The following CSMD1 variants were observed in gnomAD, a reference collection of about 807,000 sequenced individuals.
CSMD1 encodes CUB and sushi domain-containing protein 1.
A neutral mutation model predicts 417.5 loss-of-function variants in CSMD1; 213 were observed. The ratio of observed to expected loss-of-function variants is 0.51; its 90% CI spans 0.46 to 0.57. The LOEUF (loss-of-function observed/expected upper bound fraction) is 0.57. Ranked by LOEUF, CSMD1 falls within the 20% of genes least tolerant of loss-of-function variation. The probability of loss-of-function intolerance (pLI) is 0.00; values close to 1 mark genes in which losing one functional copy is unlikely to be tolerated. For missense variants in CSMD1, 6,923 were observed against 4,529.7 expected, an observed-to-expected ratio of 1.53 and a Z score of -15.17; for synonymous variants, 2,862 against 1,736.8, an observed-to-expected ratio of 1.65 and a Z score of -16.11.
chr8:4,221,132 T>C (rs1034686232), intron 3 of CSMD1, among the ~76,000 whole-genome samples: 1 of 152,040 alleles, frequency 6.6e-6, no homozygotes, highest in Non-Finnish European at 1.5e-5. Flanking sequence ...AGAATAGAAA[T>C]GTAAAGAGCG....
At chr8:3,392,878 C>T (rs1280367495) in intron 17 of CSMD1, among the ~76,000 whole-genome samples, 1 of 152,124 alleles carries the variant, frequency 6.6e-6, no homozygotes, top group African/African-American at 2.4e-5. Context: ...GCAACCAGAA[C>T]ATCTGAGCTG....
intron 3 of CSMD1, among the ~76,000 whole-genome samples, chr8:4,194,788 A>G (rs905607097): frequency 2.0e-5 from 3 of 152,096 alleles, no homozygotes; most frequent in Non-Finnish European, 4.4e-5. Context: ...CACAACCTTC[A>G]TGAGACTCTT....
At chr8:3,002,602 T>C (rs1254289582) in intron 52 of CSMD1, among the ~76,000 whole-genome samples, 1 of 152,236 alleles carries the variant, frequency 6.6e-6, no homozygotes, top group Non-Finnish European at 1.5e-5. Context: ...CCTCTCATTT[T>C]AGGGAATCTG....
At chr8:3,108,170 G>T (rs1816267120) in intron 44 of CSMD1, among the ~76,000 whole-genome samples, 1 of 152,154 alleles carries the variant, frequency 6.6e-6, no homozygotes, top group Admixed American at 6.5e-5. Context: ...TTCTGTAGGT[G>T]GCAGTGTTCG....
intron 7 of CSMD1, among the ~76,000 whole-genome samples, chr8:3,643,262 C>G (rs1797395880): frequency 1.3e-5 from 2 of 151,720 alleles, no homozygotes; most frequent in African/African-American, 2.4e-5. Flanking sequence ...AGAGAAGATT[C>G]CAAAAGTAGC....
chr8:3,659,958 A>G (rs1798326701), intron 7 of CSMD1, among the ~76,000 whole-genome samples: 1 of 152,260 alleles, frequency 6.6e-6, no homozygotes, highest in Non-Finnish European at 1.5e-5. Context: ...CAATAATTTC[A>G]AACTTTTAAG....
intron 2 of CSMD1, among the ~76,000 whole-genome samples, chr8:4,490,655 C>T (rs1801653247): frequency 6.6e-6 from 1 of 152,098 alleles, no homozygotes; most frequent in African/African-American, 2.4e-5. Context: ...GACCCATGCT[C>T]AGAATGGTCT....
chr8:3,364,234 T>G (rs1414109633), intron 20 of CSMD1, among the ~76,000 whole-genome samples: 19 of 152,172 alleles, frequency 1.2e-4, no homozygotes, highest in Admixed American at 1.2e-3. Flanking sequence ...TCCTACCAAA[T>G]GAAATTACTC....
chr8:4,354,029 C>T (rs536956865), intron 3 of CSMD1, among the ~76,000 whole-genome samples: 136 of 152,272 alleles, frequency 8.9e-4, no homozygotes, highest in African/African-American at 3.2e-3. Flanking sequence ...AGGCTTTTTC[C>T]TCTCCATACC....
intron 1 of CSMD1, among the ~76,000 whole-genome samples, chr8:4,723,330 G>A (rs1809187408): frequency 6.6e-6 from 1 of 152,154 alleles, no homozygotes; most frequent in Non-Finnish European, 1.5e-5. Context: ...ATACCCGGGA[G>A]TTAGAAGAAA....
At chr8:3,690,906 C>G (rs10087046) in intron 7 of CSMD1, among the ~76,000 whole-genome samples, 1 of 152,000 alleles carries the variant, frequency 6.6e-6, no homozygotes, top group Non-Finnish European at 1.5e-5. Context: ...TAAATAACAA[C>G]AAATAAATTG....
intron 5 of CSMD1, among the ~76,000 whole-genome samples, chr8:3,758,769 A>T (rs1042677148): frequency 6.6e-6 from 1 of 152,208 alleles, no homozygotes; most frequent in African/African-American, 2.4e-5. Flanking sequence ...GAGACTGTCA[A>T]TGTGTCACCT....
At chr8:4,124,933 G>C (rs1418169890) in intron 3 of CSMD1, among the ~76,000 whole-genome samples, 6 of 152,160 alleles carry the variant, frequency 3.9e-5, no homozygotes, top group African/African-American at 1.4e-4. Context: ...GCCAGAAACA[G>C]CAACTCTTCC....
chr8:2,990,156 A>G (rs1806251361), intron 54 of CSMD1, among the ~76,000 whole-genome samples: 2 of 152,234 alleles, frequency 1.3e-5, no homozygotes, highest in South Asian at 4.1e-4. Context: ...CACAAGGAAG[A>G]GAAAAGAGTT....
chr8:3,534,499 T>C (rs1798110223), intron 10 of CSMD1, among the ~76,000 whole-genome samples: 2 of 151,136 alleles, frequency 1.3e-5, no homozygotes, highest in Admixed American at 6.6e-5. Flanking sequence ...TAAGTAGATA[T>C]TTTTGGCTTT....
chr8:3,201,462 T>C (rs1454914773), intron 32 of CSMD1, 150 bp downstream of exon 32: 2 of 456,816 alleles, frequency 4.4e-6, no homozygotes, highest in Non-Finnish European at 7.8e-6. Context: ...AGATCTTATA[T>C]CTAAAATAAG....
intron 10 of CSMD1, among the ~76,000 whole-genome samples, chr8:3,500,822 G>A (rs1392510949): frequency 2.0e-5 from 3 of 152,172 alleles, no homozygotes; most frequent in Admixed American, 6.5e-5. Flanking sequence ...TTGGCAGAAT[G>A]GGATGTGAGG....
chr8:3,727,799 G>A (rs549263032), intron 6 of CSMD1, among the ~76,000 whole-genome samples: 70 of 152,276 alleles, frequency 4.6e-4, no homozygotes, highest in African/African-American at 1.2e-3. Flanking sequence ...GGAAGGAAAC[G>A]CAGGTACATG....
At chr8:3,802,607 T>G (rs1180502470) in intron 5 of CSMD1, among the ~76,000 whole-genome samples, 1 of 152,186 alleles carries the variant, frequency 6.6e-6, no homozygotes, top group African/African-American at 2.4e-5. Context: ...ATTCACCAAC[T>G]GTTTATATAA....
Sources: allele counts gnomAD v4.1 joint callset (sites outside exome capture counted in the v4.1 genomes callset), GRCh38; gene constraint gnomAD v4.1.1; transcripts MANE v1.5; gene names NCBI Gene and HGNC (gene_info 2026-07-23, HGNC 2026-07-21).